The following CDO1 variants were observed in gnomAD, a reference collection of about 807,000 sequenced individuals.
CDO1 encodes the protein cysteine dioxygenase, type I.
In CDO1, 19 loss-of-function variants were observed where a neutral mutation model predicts 24.5. The ratio of observed to expected loss-of-function variants is 0.77; its 90% CI spans 0.54 to 1.14. The LOEUF (loss-of-function observed/expected upper bound fraction) is 1.14, where lower values mean the gene tolerates loss of function less well. Ranked by LOEUF, CDO1 falls within the 50% of genes most tolerant of loss-of-function variation. The pLI is 0.00. For missense variants in CDO1, 244 were observed against 244.8 expected (o/e 1.00, Z 0.02); for synonymous variants, 91 against 87.0 (o/e 1.05, Z -0.26).
intron 3 of CDO1, 43 bp from the exon 4 acceptor site, chr5:115,806,561 A>C: frequency 6.7e-7 from 1 of 1,485,656 alleles, no homozygotes; most frequent in Non-Finnish European, 9.2e-7. Context: ...AGGAGCCTAG[A>C]TAACAGCTGT....
chr5:115,816,090 C>G, intron 1 of CDO1, 138 bp downstream of exon 1: 12 of 612,308 alleles, frequency 2.0e-5, no homozygotes, highest in African/African-American at 3.9e-5. Context: ...CCGCGGCTGG[C>G]CAGCGAGGGG....
chr5:115,811,309 A>G lies in CDO1; in HGVS notation c.255T>C (p.Ile85=). ...AGCAGTGGGAGTTGGTATGATCATGAATACTGCTATATGTACACAAAATGA... is the reference window on the plus strand; with the variant it reads ...AGCAGTGGGAGTTGGTATGATCATGGATACTGCTATATGTACACAAAATGA... ...LCWGEGHGSS[I]HDHTNSHCFL... The change falls in exon 3 of 5, where the codon ATT becomes ATC. Residue 85 remains isoleucine (I), a synonymous_variant. Transcript: ENST00000250535. 7 of 1,611,490 alleles carry G rather than the reference A, an allele frequency of 4.3e-6. No individual in the cohort carries two copies. Among genetic ancestry groups the G allele is most frequent in the Non-Finnish European group, 5.9e-6 (7 of 1,178,234 alleles).
At chr5:115,809,316 G>C (rs542216078) in intron 3 of CDO1, among the ~76,000 whole-genome samples, 4 of 151,908 alleles carry the variant, frequency 2.6e-5, no homozygotes, top group East Asian at 1.9e-4. Context: ...ACTTTTCTTG[G>C]GGGTATTTAT....
At chr5:115,810,189 A>G (rs1384905292) in intron 3 of CDO1, among the ~76,000 whole-genome samples, 1 of 152,184 alleles carries the variant, frequency 6.6e-6, no homozygotes, top group Non-Finnish European at 1.5e-5. Context: ...AGCAACCCTC[A>G]CATTATTTGG....
chr5:115,811,077 G>T, intron 3 of CDO1, 84 bp downstream of exon 3: 5 of 1,221,742 alleles, frequency 4.1e-6, no homozygotes, highest in Non-Finnish European at 5.8e-6. Flanking sequence ...AGGTTCTACT[G>T]CATAAAAAGT....
At chr5:115,808,961 T>A (rs1760070898) in intron 3 of CDO1, among the ~76,000 whole-genome samples, 1 of 152,190 alleles carries the variant, frequency 6.6e-6, no homozygotes, top group Non-Finnish European at 1.5e-5. Flanking sequence ...TACTTCTAGG[T>A]AATTAGCGAT....
rs148715683 is a variant in CDO1, at chr5:115,813,239, C to A, written c.190G>T (p.Asp64Tyr). ...AGATTAAATTTTCCATTTCCTTGAT[C>A]CACAAGATTTCGGGTATACCTAAAA... ...DQYRYTRNLV[D>Y]QGNGKFNLMI... Residue 64 changes from aspartate to tyrosine, a missense_variant, in exon 2 of 5, where the codon GAT becomes TAT. Coordinates refer to ENST00000250535, the MANE Select transcript of CDO1 (RefSeq NM_001801.3). The A allele has an allele frequency of 4.1e-5, 65 of 1,598,544 alleles. No individual in the cohort carries two copies. In the East Asian group the frequency reaches 1.3e-3, roughly 31 times the overall value.
intron 1 of CDO1, among the ~76,000 whole-genome samples, chr5:115,813,507 G>GA (rs564786363): frequency 3.9e-5 from 6 of 152,108 alleles, no homozygotes; most frequent in Middle Eastern, 3.4e-3. Context: ...AAAATAACAG[G>GA]AAAAAAACCG....
chr5:115,810,656 T>C (rs925211920), intron 3 of CDO1, among the ~76,000 whole-genome samples: 1 of 152,180 alleles, frequency 6.6e-6, no homozygotes, highest in Non-Finnish European at 1.5e-5. Context: ...GGCTATCCCA[T>C]ATCCCATTTA....
At chr5:115,815,369 C>G (rs563367981) in intron 1 of CDO1, among the ~76,000 whole-genome samples, 1 of 152,240 alleles carries the variant, frequency 6.6e-6, no homozygotes, top group East Asian at 1.9e-4. Flanking sequence ...AAAAAGCCAG[C>G]TTACCAGGGC....
At position 115,806,311 on chromosome 5, in the gene CDO1, C is replaced by A. The variant is rs149211464; in HGVS notation, c.573+38G>T. The A allele has an allele frequency of 4.4e-4, 663 of 1,495,300 alleles. 4 individuals are homozygous for A. In the African/African-American group the frequency reaches 8.3e-3, roughly 19 times the overall value. 92.6% of individuals were successfully genotyped at this position (1,495,300 alleles called of 1,614,324 possible). A position where few individuals can be genotyped will look rare whatever the true frequency, so the allele number is the denominator to read the frequency against. ...CATACATGCAGTGTAACAGTGCCAA[C>A]CTACAGAGCATTTAAACCTAGAAGA... On this transcript the variant is annotated intron_variant, in intron 4 of 4. Coordinates refer to ENST00000250535, the MANE Select transcript of CDO1 (RefSeq NM_001801.3).
chr5:115,806,682 A>C lies in CDO1; in HGVS notation c.404-164T>G, dbSNP rs148341232. On this transcript the variant is annotated intron_variant, in intron 3 of 4. Coordinates refer to ENST00000250535, the MANE Select transcript of CDO1 (RefSeq NM_001801.3). ...TAAAGATAGTAAGTGACACGCATGC[A>C]TTAGCCTCTGCTCCTTCCTGAAAAC... 1.3e-3 allele frequency among the ~76,000 whole-genome samples: 197 copies of C among 152,368 alleles called. 1 individual carries two copies. Among genetic ancestry groups the C allele is most frequent in the African/African-American group, 4.3e-3 (179 of 41,594 alleles).
rs1282048291 is a variant in CDO1, at chr5:115,805,244, C to G, written c.*189G>C. ...CAAGACTTTCTTTTCCTCAGTGGGA[C>G]TTTTCTTCTGCAGTAGCTGAGGGCA... On this transcript the variant is annotated 3_prime_UTR_variant, in exon 5 of 5. Transcript: ENST00000250535. 2 of 509,966 alleles carry G rather than the reference C, an allele frequency of 3.9e-6. No homozygotes were observed. The highest frequency in any genetic ancestry group is 2.0e-5 in the African/African-American group (1 of 50,238). The allele number at this position is 509,966 out of a possible 1,614,324, so 31.6% of individuals were successfully genotyped here.
At chr5:115,806,542 AATAG>A (rs754717913) in intron 3 of CDO1, 24 bp from the exon 4 acceptor site, 3 of 1,589,830 alleles carry the variant, frequency 1.9e-6, no homozygotes, top group South Asian at 2.3e-5. Context: ...GGGAAGGAAA[AATAG>A]ATAAAGGAGC....
intron 4 of CDO1, 31 bp from the exon 5 acceptor site, chr5:115,805,493 T>G: frequency 6.2e-7 from 1 of 1,609,206 alleles, no homozygotes; most frequent in Non-Finnish European, 8.5e-7. Flanking sequence ...GAAAGCTGTG[T>G]AAGAAACTTT....
chr5:115,808,126 C>A (rs926861561), intron 3 of CDO1, among the ~76,000 whole-genome samples: 2 of 152,136 alleles, frequency 1.3e-5, no homozygotes, highest in Non-Finnish European at 2.9e-5. Context: ...CTACAGGCAC[C>A]TGCCACCATG....
intron 2 of CDO1, 96 bp from the exon 3 acceptor site, chr5:115,811,411 A>G (rs1379625709): frequency 2.4e-6 from 2 of 818,774 alleles, no homozygotes; most frequent in African/African-American, 3.5e-5. Context: ...GCATACTGTC[A>G]ATAAGCTATC....
chr5:115,816,326 G>A lies in CDO1; in HGVS notation c.72C>T (p.Ala24=), dbSNP rs917712957. The change falls in exon 1 of 5, where the codon GCC becomes GCT. Residue 24 remains alanine (A), a synonymous_variant. Transcript: ENST00000250535. ...DLIRILHQLF[A]GDEVNVEEVQ... is the part of the protein sequence containing the mutation. Reference sequence around the variant, plus strand: ...CCTCCTCTACATTGACCTCATCGCCGGCAAAGAGCTGGTGCAGGATGCGGA... The same window carrying A: ...CCTCCTCTACATTGACCTCATCGCCAGCAAAGAGCTGGTGCAGGATGCGGA... 1.2e-6 allele frequency: 2 copies of A among 1,614,054 alleles called. No individual in the cohort carries two copies. Among genetic ancestry groups the A allele is most frequent in the Non-Finnish European group, 8.5e-7 (1 of 1,180,006 alleles).
At chr5:115,813,702 T>C (rs951549377) in intron 1 of CDO1, among the ~76,000 whole-genome samples, 3 of 152,108 alleles carry the variant, frequency 2.0e-5, no homozygotes, top group Non-Finnish European at 4.4e-5. Flanking sequence ...TGTTCTAGAA[T>C]TCTTAGTTTT....
Sources: gnomAD v4.1 joint callset for allele counts (sites outside exome capture counted in the v4.1 genomes callset) on GRCh38, gnomAD v4.1.1 for gene constraint, MANE v1.5 for transcripts, NCBI Gene and HGNC (gene_info 2026-07-23, HGNC 2026-07-21) for gene names.